The following C15orf61 variants were observed in gnomAD, a reference collection of about 807,000 sequenced individuals.
The protein encoded by C15orf61 is uncharacterized protein C15orf61.
In C15orf61, 12 loss-of-function variants were observed where a neutral mutation model predicts 13.7. That is an observed-to-expected ratio of 0.88 (90% CI 0.56 to 1.42). C15orf61 has a LOEUF of 1.42. C15orf61 is among the 40% of genes most tolerant of loss of function. The probability of loss-of-function intolerance (pLI) is 0.00; values close to 1 mark genes in which losing one functional copy is unlikely to be tolerated. For synonymous variants in C15orf61, 92 were observed against 94.1 expected, an observed-to-expected ratio of 0.98 and a Z score of 0.13; for missense variants, 248 against 213.2, an observed-to-expected ratio of 1.16 and a Z score of -1.02.
rs1427352779 is a variant in C15orf61 at position 67,521,190 on chromosome 15, G to T, written c.-59G>T. ...GTTGGCCTTCCCGGCGCTCGCCCGG[G>T]GGCGCGCTTGCGCGCCAGCGGCTGC... is the stretch of plus-strand genomic sequence containing the variant. On this transcript the variant is annotated 5_prime_UTR_variant, in exon 1 of 2. Coordinates refer to ENST00000342683, the MANE Select transcript of C15orf61 (RefSeq NM_001143936.2). 8.9e-6 allele frequency: 10 copies of T among 1,126,598 alleles called. No homozygotes were observed. In the Admixed American group the frequency reaches 2.3e-4, roughly 25 times the overall value. 69.8% of individuals were successfully genotyped at this position (1,126,598 alleles called of 1,614,324 possible).
chr15:67,527,914 T>C lies in C15orf61; in HGVS notation c.*1369T>C, dbSNP rs2084207570. 1 of 152,202 alleles carries C rather than the reference T, an allele frequency of 6.6e-6. No homozygotes were observed. Among genetic ancestry groups the C allele is most frequent in the South Asian group, 2.1e-4 (1 of 4,832 alleles). The allele number at this position is 152,202 out of a possible 1,614,324, so 9.4% of individuals were successfully genotyped here. On this transcript the variant is annotated 3_prime_UTR_variant, in exon 2 of 2. Coordinates refer to ENST00000342683, the MANE Select transcript of C15orf61 (RefSeq NM_001143936.2). ...TCCAGAAGAATATACTTGACACTAGTTAAATGAATGGCTTACACAAAGGAG... is the reference window on the plus strand; with the variant it reads ...TCCAGAAGAATATACTTGACACTAGCTAAATGAATGGCTTACACAAAGGAG...
Position 67,526,267 on chromosome 15 carries a change from G to A in C15orf61, c.347-151G>A, listed in dbSNP as rs2084198061. On this transcript the variant is annotated intron_variant, in intron 1 of 1. Coordinates refer to ENST00000342683, the MANE Select transcript of C15orf61 (RefSeq NM_001143936.2). ...CATCATGTGCCACGTTGATGAAATT[G>A]AGCTCTTAGATAATCAGAGTCAATG... 7.4e-6 allele frequency: 4 copies of A among 536,918 alleles called. No homozygotes were observed. The South Asian group carries it at 1.1e-4, about 15-fold the overall frequency. The allele number at this position is 536,918 out of a possible 1,614,324, so 33.3% of individuals were successfully genotyped here. A position where few individuals can be genotyped will look rare whatever the true frequency, so the allele number is the denominator to read the frequency against.
At chr15:67,522,747 A>G (rs1425241509) in intron 1 of C15orf61, among the ~76,000 whole-genome samples, 1 of 152,256 alleles carries the variant, frequency 6.6e-6, no homozygotes, top group Non-Finnish European at 1.5e-5. Context: ...TTCGAGAAGT[A>G]TAAGTTTATT....
At chr15:67,524,833 G>GTTTTTTTTTTTTT (rs1307736179) in intron 1 of C15orf61, among the ~76,000 whole-genome samples, 1 of 112,644 alleles carries the variant, frequency 8.9e-6, no homozygotes, top group African/African-American at 3.4e-5. Flanking sequence ...TTGCTTTTTT[G>GTTTTTTTTTTTTT]TTTGTTTTTT....
chr15:67,521,732 C>A, intron 1 of C15orf61, 138 bp downstream of exon 1: 1 of 931,346 alleles, frequency 1.1e-6, no homozygotes, highest in Non-Finnish European at 1.6e-6. Flanking sequence ...CCGGCTTCGC[C>A]TGGGGTCCTT....
At position 67,521,437 on chromosome 15, in the gene C15orf61, C is replaced by G. The variant is rs750157908; in HGVS notation, c.189C>G (p.Phe63Leu). Reference sequence around the variant, plus strand: ...ACAGCGCCGTCCGCAACGACCAGTTCGGCCTCTCGCACTTCAACTGGCCGG... The same window carrying G: ...ACAGCGCCGTCCGCAACGACCAGTTGGGCCTCTCGCACTTCAACTGGCCGG... Reference protein sequence around the residue: ...VPYSAVRNDQFGLSHFNWPVQ... With the variant: ...VPYSAVRNDQLGLSHFNWPVQ... The change falls in exon 1 of 2, where the codon TTC becomes TTG. Residue 63 changes from phenylalanine to leucine, a missense_variant. By Grantham distance (22) the Phe-to-Leu change is conservative. Coordinates refer to ENST00000342683, the MANE Select transcript of C15orf61 (RefSeq NM_001143936.2). The G allele has an allele frequency of 6.5e-7, 1 of 1,547,178 alleles. No individual in the cohort carries two copies. The highest frequency in any genetic ancestry group is 1.2e-5 in the South Asian group (1 of 84,058).
chr15:67,523,528 A>T (rs1189366806), intron 1 of C15orf61, among the ~76,000 whole-genome samples: 1 of 152,170 alleles, frequency 6.6e-6, no homozygotes, highest in Admixed American at 6.5e-5. Flanking sequence ...CCTGCTGAGA[A>T]GTAGATTGAG....
In C15orf61 at chr15:67,528,850, C is replaced by G. The variant is rs1017559085; in HGVS notation, c.*2305C>G. ...TACATCAATTTTACTTTTGTCTCTG[C>G]AAAAGCTCTGTTTTTATAATCCACA... On this transcript the variant is annotated 3_prime_UTR_variant, in exon 2 of 2. Coordinates refer to ENST00000342683, the MANE Select transcript of C15orf61 (RefSeq NM_001143936.2). The G allele has an allele frequency of 2.0e-5, 3 of 152,142 alleles. No homozygotes were observed. Among genetic ancestry groups the G allele is most frequent in the African/African-American group, 7.2e-5 (3 of 41,416 alleles). 9.4% of individuals were successfully genotyped at this position (152,142 alleles called of 1,614,324 possible).
chr15:67,526,259 A>T (rs2084198001), intron 1 of C15orf61, among the ~76,000 whole-genome samples, 159 bp from the exon 2 acceptor site: 1 of 152,238 alleles, frequency 6.6e-6, no homozygotes, highest in Non-Finnish European at 1.5e-5. Flanking sequence ...TGCCACGTTG[A>T]TGAAATTGAG....
In C15orf61 at chr15:67,525,541, G is replaced by A. The variant is rs1467398631; in HGVS notation, c.347-877G>A. On this transcript the variant is annotated intron_variant, in intron 1 of 1. Transcript: ENST00000342683. This position sits in a 1 kb window ranked among gnomAD's most constrained non-coding sequence, Gnocchi z 4.9. ...ATATCTATTTCAAATTGGTTGAAAT[G>A]AGGTTGTTTTCAGATCAATTGAAAA... is the stretch of plus-strand genomic sequence containing the variant. Among the ~76,000 whole-genome samples, 1 of 152,146 alleles carries A rather than the reference G, an allele frequency of 6.6e-6. No individual in the cohort carries two copies. The highest frequency in any genetic ancestry group is 1.5e-5 in the Non-Finnish European group (1 of 68,028).
chr15:67,523,676 G>A (rs888188546), intron 1 of C15orf61, among the ~76,000 whole-genome samples: 9 of 152,154 alleles, frequency 5.9e-5, no homozygotes, highest in African/African-American at 2.2e-4. Flanking sequence ...AACTGATTTG[G>A]AGGTTCTTTT....
intron 1 of C15orf61, among the ~76,000 whole-genome samples, chr15:67,523,906 C>T (rs2084184345): frequency 6.6e-6 from 1 of 152,186 alleles, no homozygotes; most frequent in Non-Finnish European, 1.5e-5. Flanking sequence ...ATAACTCCAT[C>T]TCCTGTCAAA....
intron 1 of C15orf61, chr15:67,521,940 T>C: frequency 1.5e-6 from 1 of 685,514 alleles, no homozygotes; most frequent in Non-Finnish European, 2.7e-6. Flanking sequence ...GGCTCTGAAG[T>C]TGACATCCGT....
In C15orf61 at chr15:67,521,364, A is replaced by G; in HGVS notation, c.116A>G (p.His39Arg). ...AGCGCCTCGGAGGTGCTGACGCGGC[A>G]TCTGCTGCAGCGGCGCCTGCCGCAC... is the stretch of plus-strand genomic sequence containing the variant. ...KPSASEVLTR[H>R]LLQRRLPHWT... is the part of the protein sequence containing the mutation. Residue 39 changes from histidine to arginine, a missense_variant, in exon 1 of 2, where the codon CAT (histidine) becomes CGT (arginine). Coordinates refer to ENST00000342683, the MANE Select transcript of C15orf61 (RefSeq NM_001143936.2). 1 of 1,537,846 alleles carries G rather than the reference A, an allele frequency of 6.5e-7. No individual in the cohort carries two copies. Among genetic ancestry groups the G allele is most frequent in the Non-Finnish European group, 8.7e-7 (1 of 1,146,176 alleles).
Position 67,521,241 on chromosome 15 carries a change from G to A in C15orf61, c.-8G>A. ...GGACACCAGCCTGCGTCCCCGGCGC[G>A]GCGGGCCATGGAGGCCCTGAGGAGG... On this transcript the variant is annotated 5_prime_UTR_variant, in exon 1 of 2. Transcript: ENST00000342683. 11 of 1,227,108 alleles carry A rather than the reference G, an allele frequency of 9.0e-6. No homozygotes were observed. Among genetic ancestry groups the A allele is most frequent in the Non-Finnish European group, 1.1e-5 (11 of 982,994 alleles). The allele number at this position is 1,227,108 out of a possible 1,614,324, so 76.0% of individuals were successfully genotyped here. A position where few individuals can be genotyped will look rare whatever the true frequency, so the allele number is the denominator to read the frequency against.
intron 1 of C15orf61, among the ~76,000 whole-genome samples, chr15:67,522,484 A>T (rs1005808984): frequency 1.3e-5 from 2 of 152,226 alleles, no homozygotes; most frequent in Admixed American, 6.5e-5. Flanking sequence ...TAAGGTTAAA[A>T]ATAGTCTGTG....
rs970819668 is a variant in C15orf61 at position 67,527,596 on chromosome 15, A to G, written c.*1051A>G. 6.6e-6 allele frequency: 1 copy of G among 152,156 alleles called. No individual in the cohort carries two copies. Among genetic ancestry groups the G allele is most frequent in the Non-Finnish European group, 1.5e-5 (1 of 68,006 alleles). The allele number at this position is 152,156 out of a possible 1,614,324, so 9.4% of individuals were successfully genotyped here. ...TAATTACAAACATACATTATATATC[A>G]TTTTATGTTAATGTGTTGCTGATAC... On this transcript the variant is annotated 3_prime_UTR_variant, in exon 2 of 2. Transcript: ENST00000342683.
At position 67,521,580 on chromosome 15, in the gene C15orf61, A is replaced by G. The variant is rs760781020; in HGVS notation, c.332A>G (p.Lys111Arg). 4 of 1,532,970 alleles carry G rather than the reference A, an allele frequency of 2.6e-6. No individual in the cohort carries two copies. The highest frequency in any genetic ancestry group is 5.0e-5 in the East Asian group (2 of 40,360). 95.0% of individuals were successfully genotyped at this position (1,532,970 alleles called of 1,614,324 possible). ...ARQNRFFTAL[K>R]VVNLGIPTLL... is the part of the protein sequence containing the mutation. ...CAGAACCGCTTCTTCACGGCGCTCAAGGTCGTCAACCTCGGTGAGTGGCGA... is the reference window on the plus strand; with the variant it reads ...CAGAACCGCTTCTTCACGGCGCTCAGGGTCGTCAACCTCGGTGAGTGGCGA... Residue 111 changes from lysine (K) to arginine (R), a missense_variant, in exon 1 of 2, where the codon AAG (lysine) becomes AGG (arginine). Transcript: ENST00000342683.
chr15:67,524,528 A>T (rs1667125175), intron 1 of C15orf61, among the ~76,000 whole-genome samples: 1 of 152,180 alleles, frequency 6.6e-6, no homozygotes, highest in Non-Finnish European at 1.5e-5. Flanking sequence ...ACACTATAAA[A>T]GGTTTCATGG....
Sources: allele counts gnomAD v4.1 joint callset (sites outside exome capture counted in the v4.1 genomes callset), GRCh38; gene constraint gnomAD v4.1.1; non-coding constraint Gnocchi (gnomAD v3.1); transcripts MANE v1.5; gene names NCBI Gene and HGNC (gene_info 2026-07-23, HGNC 2026-07-21).